NOVA1: variants seen among roughly 807,000 people sequenced by gnomAD.
The protein encoded by NOVA1 is NOVA alternative splicing regulator 1.
Under a neutral mutation model 38.0 loss-of-function variants are expected in NOVA1, and 7 were observed. The ratio of observed to expected loss-of-function variants is 0.18; its 90% confidence interval spans 0.10 to 0.35. The LOEUF is 0.35. NOVA1 is among the 10% of genes least tolerant of loss of function. The pLI is 1.00. For missense variants in NOVA1, 460 were observed against 616.0 expected (o/e 0.75, Z 2.68); for synonymous variants, 270 against 232.5 (o/e 1.16, Z -1.47).
intron 2 of NOVA1, among the ~76,000 whole-genome samples, chr14:26,513,082 T>G (rs535551601): frequency 4.6e-5 from 7 of 152,152 alleles, no homozygotes; most frequent in African/African-American, 1.7e-4. Context: ...CACAAAACCA[T>G]TAAAAGACAT....
chr14:26,491,878 T>A (rs1401586803), intron 2 of NOVA1, among the ~76,000 whole-genome samples: 1 of 152,110 alleles, frequency 6.6e-6, no homozygotes, highest in Non-Finnish European at 1.5e-5. Context: ...AATCCTCAAC[T>A]CTGTAATTTT....
intron 2 of NOVA1, among the ~76,000 whole-genome samples, chr14:26,548,778 T>G (rs1890983545): frequency 6.7e-6 from 1 of 149,004 alleles, no homozygotes. Context: ...TACTGTTCCT[T>G]CTCTTCCCCA....
intron 2 of NOVA1, among the ~76,000 whole-genome samples, chr14:26,535,224 G>T (rs1680302102): frequency 1.3e-5 from 2 of 152,110 alleles, no homozygotes; most frequent in Non-Finnish European, 2.9e-5. Flanking sequence ...AAGCTTTACT[G>T]AGACAGAAAA....
chr14:26,507,069 T>C (rs1887691056), intron 2 of NOVA1, among the ~76,000 whole-genome samples: 1 of 152,232 alleles, frequency 6.6e-6, no homozygotes. Context: ...GGTTGCTATG[T>C]GCTAAGGTGA....
chr14:26,448,245 G>A lies in NOVA1; in HGVS notation c.1238C>T (p.Thr413Ile). ...CTTGGATCCATCTGTGGACTTTTCT[G>A]TTCCTAGAATGGCACTGGCAGCTAG... The part of the protein sequence containing the change: ...SPLAASAILG[T>I]EKSTDGSKDV... Residue 413 changes from threonine to isoleucine, a missense_variant, in exon 5 of 5, where the codon ACA becomes ATA. By Grantham distance (89) the Thr-to-Ile change is moderately conservative. Coordinates refer to ENST00000539517, the MANE Select transcript of NOVA1 (RefSeq NM_002515.3). This position sits in a 1 kb window ranked among gnomAD's most constrained non-coding sequence, Gnocchi z 5.3. The A allele has an allele frequency of 1.2e-6, 2 of 1,614,180 alleles. No homozygotes were observed. The highest frequency in any genetic ancestry group is 1.1e-5 in the South Asian group (1 of 91,084).
chr14:26,463,002 T>C (rs1883816051), intron 4 of NOVA1, among the ~76,000 whole-genome samples: 1 of 152,180 alleles, frequency 6.6e-6, no homozygotes, highest in Non-Finnish European at 1.5e-5. Context: ...TCTTTGACTA[T>C]TAAAGATAGG....
At chr14:26,458,768 T>C (rs1452014288) in intron 4 of NOVA1, among the ~76,000 whole-genome samples, 2 of 151,926 alleles carry the variant, frequency 1.3e-5, no homozygotes, top group Non-Finnish European at 2.9e-5. Flanking sequence ...ACATGCAAAT[T>C]ACCCATGCAA....
intron 2 of NOVA1, among the ~76,000 whole-genome samples, chr14:26,495,022 A>G (rs1201262573): frequency 6.6e-6 from 1 of 151,996 alleles, no homozygotes; most frequent in African/African-American, 2.4e-5. Context: ...CCCATCTCAT[A>G]TTACTCTTTC....
At position 26,444,409 on chromosome 14, in the gene NOVA1, T is replaced by C. The variant is rs529711300; in HGVS notation, c.*3550A>G. On this transcript the variant is annotated 3_prime_UTR_variant, in exon 5 of 5. Transcript: ENST00000539517. ...ATAATACAGGACTTGCTAACCTCTG[T>C]TAACCATCTGAATGCGATGGAATAA... 6.6e-6 allele frequency: 1 copy of C among 152,266 alleles called. No individual in the cohort carries two copies. The highest frequency in any genetic ancestry group is 6.5e-5 in the Admixed American group (1 of 15,286). 9.4% of individuals were successfully genotyped at this position (152,266 alleles called of 1,614,324 possible). A position where few individuals can be genotyped will look rare whatever the true frequency, so the allele number is the denominator to read the frequency against.
chr14:26,532,435 A>C (rs949021611), intron 2 of NOVA1, among the ~76,000 whole-genome samples: 1 of 152,226 alleles, frequency 6.6e-6, no homozygotes, highest in African/African-American at 2.4e-5. Context: ...ACAAGGCTAC[A>C]TAATGTATGC....
In NOVA1 at chr14:26,448,646, T is replaced by C; in HGVS notation, c.837A>G (p.Leu279=). The C allele has an allele frequency of 6.2e-7, 1 of 1,614,246 alleles. No individual in the cohort carries two copies. Among genetic ancestry groups the C allele is most frequent in the Non-Finnish European group, 8.5e-7 (1 of 1,180,046 alleles). Reference sequence around the variant, plus strand: ...GCCCTGCAGCTGCTGCAGCAGTTGGTAACACTTCAGCAGTGTTTGCATAAG... The same window carrying C: ...GCCCTGCAGCTGCTGCAGCAGTTGGCAACACTTCAGCAGTGTTTGCATAAG... ...GSPYANTAEV[L]PTAAAAAGLL... The change falls in exon 5 of 5, where the codon TTA becomes TTG. Residue 279 remains leucine, a synonymous_variant. Coordinates refer to ENST00000539517, the MANE Select transcript of NOVA1 (RefSeq NM_002515.3). The surrounding 1 kb of genome is among the most constrained non-coding windows in gnomAD (Gnocchi z 5.3).
chr14:26,449,096 T>C, intron 4 of NOVA1, 133 bp from the exon 5 acceptor site: 1 of 828,866 alleles, frequency 1.2e-6, no homozygotes, highest in Non-Finnish European at 1.7e-6. Context: ...ATATCACAAC[T>C]TTAAAGTGAC....
chr14:26,548,559 C>G (rs746278369), intron 2 of NOVA1, among the ~76,000 whole-genome samples: 4 of 151,946 alleles, frequency 2.6e-5, no homozygotes, highest in Admixed American at 6.6e-5. Context: ...AAAAAAAAAC[C>G]CTAAAATAAC....
intron 1 of NOVA1, 115 bp downstream of exon 1, chr14:26,597,186 A>T: frequency 1.1e-6 from 1 of 892,578 alleles, no homozygotes; most frequent in Non-Finnish European, 1.4e-6. Context: ...TTCGGGCTGG[A>T]GGTGTCCGGG....
At chr14:26,516,850 T>G (rs747492233) in intron 2 of NOVA1, among the ~76,000 whole-genome samples, 1 of 151,934 alleles carries the variant, frequency 6.6e-6, no homozygotes, top group Non-Finnish European at 1.5e-5. Context: ...AATTCCTTAT[T>G]ATGGCCTACA....
chr14:26,514,542 A>T (rs1360287576), intron 2 of NOVA1, among the ~76,000 whole-genome samples: 3 of 151,840 alleles, frequency 2.0e-5, no homozygotes, highest in Non-Finnish European at 3.0e-5. Flanking sequence ...TTAAGTACGT[A>T]ATGCTTAAGG....
At chr14:26,572,153 C>G (rs143321416) in intron 2 of NOVA1, among the ~76,000 whole-genome samples, 261 of 152,076 alleles carry the variant, frequency 1.7e-3, no homozygotes, top group African/African-American at 5.6e-3. Flanking sequence ...CTGGTAGAGT[C>G]TATATAAAGT....
chr14:26,470,446 C>A lies in NOVA1; in HGVS notation c.519+1874G>T, dbSNP rs756018714. The A allele has an allele frequency of 2.6e-6, 4 of 1,557,566 alleles. No individual in the cohort carries two copies. The East Asian group carries it at 9.0e-5, about 35-fold the overall frequency. ...AATGAATTACGGATTTTGTTTTGTT[C>A]TTCTCTTATATCTTGCTTCATGATA... On this transcript the variant is annotated intron_variant, in intron 4 of 4. Coordinates refer to ENST00000539517, the MANE Select transcript of NOVA1 (RefSeq NM_002515.3).
At chr14:26,499,288 C>T (rs28583110) in intron 2 of NOVA1, among the ~76,000 whole-genome samples, 3,237 of 151,704 alleles carry the variant, frequency 0.021, 110 homozygotes, top group African/African-American at 0.074. Context: ...AACATTATGT[C>T]GTATACCTTA....
Sources: gnomAD v4.1 joint callset for allele counts (sites outside exome capture counted in the v4.1 genomes callset) on GRCh38, gnomAD v4.1.1 for gene constraint, Gnocchi (gnomAD v3.1) non-coding constraint, MANE v1.5 for transcripts, NCBI Gene and HGNC (gene_info 2026-07-23, HGNC 2026-07-21) for gene names.